CEP152: variants seen among roughly 807,000 people sequenced by gnomAD.
CEP152 encodes the protein centrosomal protein of 152 kDa.
In CEP152, 132 loss-of-function variants were observed where a neutral mutation model predicts 188.9. That is an observed-to-expected ratio of 0.70 (90% CI 0.61 to 0.81). The LOEUF (loss-of-function observed/expected upper bound fraction) is 0.81, where lower values mean the gene tolerates loss of function less well. CEP152 is among the 30% of genes least tolerant of loss of function. The pLI is 0.00. For missense variants in CEP152, 1,914 were observed against 1,969.8 expected (o/e 0.97, Z 0.54); for synonymous variants, 649 against 666.6 (o/e 0.97, Z 0.41).
At chr15:48,733,336 G>A (rs1250932863), downstream of CEP152, among the ~76,000 whole-genome samples, 1 of 152,050 alleles carries the variant, frequency 6.6e-6, no homozygotes, top group Non-Finnish European at 1.5e-5. Context: ...CAACTATTAT[G>A]CATCAATTTA....
At chr15:48,767,580 G>C in intron 15 of CEP152, 117 bp from the exon 16 acceptor site, 2 of 1,391,278 alleles carry the variant, frequency 1.4e-6, no homozygotes, top group Non-Finnish European at 1.0e-6. Flanking sequence ...ATTGAGGTCA[G>C]ATAACTTTTC....
intron 2 of CEP152, among the ~76,000 whole-genome samples, chr15:48,803,312 A>G (rs1046874792): frequency 3.9e-5 from 6 of 152,180 alleles, no homozygotes; most frequent in Non-Finnish European, 5.9e-5. Context: ...AGGAAGACTG[A>G]GACAGTTAAA....
At position 48,738,149 on chromosome 15, in the gene CEP152, C is replaced by A; in HGVS notation, c.*100G>T. The A allele has an allele frequency of 1.6e-6, 2 of 1,218,208 alleles. No homozygotes were observed. The highest frequency in any genetic ancestry group is 2.2e-6 in the Non-Finnish European group (2 of 890,948). The allele number at this position is 1,218,208 out of a possible 1,614,324, so 75.5% of individuals were successfully genotyped here. A position where few individuals can be genotyped will look rare whatever the true frequency, so the allele number is the denominator to read the frequency against. On this transcript the variant is annotated 3_prime_UTR_variant, in exon 27 of 27. Transcript: ENST00000380950. ...ACTTATATAACAGATGTTATTAAAA[C>A]ATCTCAAAAGAGGCAGGGCTCACAA...
chr15:48,748,407 ATTC>A, intron 22 of CEP152, 33 bp downstream of exon 22: 1 of 1,494,248 alleles, frequency 6.7e-7, no homozygotes, highest in Non-Finnish European at 8.9e-7. Flanking sequence ...GATCAAAGAA[ATTC>A]ATATTGGTAG....
intron 21 of CEP152, among the ~76,000 whole-genome samples, chr15:48,751,034 G>C (rs1321930564): frequency 5.3e-5 from 8 of 152,064 alleles, no homozygotes; most frequent in Non-Finnish European, 8.8e-5. Context: ...AATGTTTTAA[G>C]TACTTCAAAT....
At chr15:48,776,418 G>A (rs1008738388) in intron 12 of CEP152, among the ~76,000 whole-genome samples, 1 of 152,090 alleles carries the variant, frequency 6.6e-6, no homozygotes, top group Non-Finnish European at 1.5e-5. Flanking sequence ...GCCTCAGGAC[G>A]TGGGTAATAA....
intron 1 of CEP152, among the ~76,000 whole-genome samples, chr15:48,806,565 A>C (rs1423527139): frequency 1.3e-5 from 2 of 152,218 alleles, no homozygotes; most frequent in African/African-American, 4.8e-5. Flanking sequence ...CTTGGATGTG[A>C]GCCTGAGCCA....
chr15:48,733,784 A>G (rs1284526071), downstream of CEP152, among the ~76,000 whole-genome samples: 1 of 152,224 alleles, frequency 6.6e-6, no homozygotes, highest in African/African-American at 2.4e-5. Context: ...TTCATCATAT[A>G]TAAAGAACAA....
At chr15:48,760,374 C>A (rs1226123292) in intron 18 of CEP152, 108 bp from the exon 19 acceptor site, 4 of 1,345,272 alleles carry the variant, frequency 3.0e-6, no homozygotes, top group Non-Finnish European at 4.2e-6. Context: ...TATATCACTA[C>A]ATAATAAAGT....
At position 48,783,775 on chromosome 15, in the gene CEP152, G is replaced by GTATATATA. The variant is rs10652796; in HGVS notation, c.1321+190_1321+197dup. 323 of 182,036 alleles carry GTATATATA rather than the reference G, an allele frequency of 1.8e-3. 1 individual carries two copies. The highest frequency in any genetic ancestry group is 7.6e-3 in the African/African-American group (307 of 40,304). 11.3% of individuals were successfully genotyped at this position (182,036 alleles called of 1,614,324 possible). The stretch of plus-strand genomic sequence containing the variant: ...TATATTTTTTTATATATGTGTGTAT[G>GTATATATA]TATATATATATATATGTATATATAT... On this transcript the variant is annotated intron_variant, in intron 10 of 26. Coordinates refer to ENST00000380950, the MANE Select transcript of CEP152 (RefSeq NM_001194998.2).
rs1429093925 is a variant in CEP152, at chr15:48,782,167, A to C, written c.1385T>G (p.Met462Arg). Residue 462 changes from methionine to arginine, a missense_variant, in exon 11 of 27, where the codon ATG (methionine) becomes AGG (arginine). Coordinates refer to ENST00000380950, the MANE Select transcript of CEP152 (RefSeq NM_001194998.2). The part of the protein sequence containing the change: ...QLQQAQKAHA[M>R]SANMNKALQE... ...CAAAGCCTTGTTCATGTTTGCACTCATAGCATGTGCCTTCTGTGCTTGCTG... is the reference window on the plus strand; with the variant it reads ...CAAAGCCTTGTTCATGTTTGCACTCCTAGCATGTGCCTTCTGTGCTTGCTG... The C allele has an allele frequency of 6.2e-7, 1 of 1,613,946 alleles. No individual in the cohort carries two copies. Among genetic ancestry groups the C allele is most frequent in the Non-Finnish European group, 8.5e-7 (1 of 1,179,860 alleles).
chr15:48,748,192 G>A (rs575811219), intron 22 of CEP152, among the ~76,000 whole-genome samples: 1 of 152,116 alleles, frequency 6.6e-6, no homozygotes, highest in African/African-American at 2.4e-5. Flanking sequence ...AAGCCTGCTT[G>A]ACGTATACTG....
At chr15:48,731,746 G>A (rs986979055) in intron 2 of CEP152, among the ~76,000 whole-genome samples, 3 of 152,166 alleles carry the variant, frequency 2.0e-5, no homozygotes, top group African/African-American at 7.2e-5. Flanking sequence ...AGAGTGAACA[G>A]GCAACCTACA....
rs1897076500 is a variant in CEP152, at chr15:48,792,904, C to T, written c.832+417G>A. Among the ~76,000 whole-genome samples the T allele has an allele frequency of 2.0e-5, 3 of 151,982 alleles. No homozygotes were observed. The South Asian group carries it at 6.2e-4, about 32-fold the overall frequency. The stretch of plus-strand genomic sequence containing the variant: ...CTTTCTCGGCTCACTGCAACCTCCG[C>T]CTGCAGGTTCAGGTGATTCTCCTTC... On this transcript the variant is annotated intron_variant, in intron 7 of 26. Coordinates refer to ENST00000380950, the MANE Select transcript of CEP152 (RefSeq NM_001194998.2).
At position 48,755,895 on chromosome 15, in the gene CEP152, G is replaced by T; in HGVS notation, c.3345+8C>A. ...GTTCAATACCTTCTCTCACTCTCAGGAACATACCTTTTTCCATTCTGGGTC... is the reference window on the plus strand; with the variant it reads ...GTTCAATACCTTCTCTCACTCTCAGTAACATACCTTTTTCCATTCTGGGTC... On this transcript the variant is annotated splice_region_variant and intron_variant, in intron 20 of 26. Coordinates refer to ENST00000380950, the MANE Select transcript of CEP152 (RefSeq NM_001194998.2). 6.2e-7 allele frequency: 1 copy of T among 1,613,184 alleles called. No homozygotes were observed. Among genetic ancestry groups the T allele is most frequent in the South Asian group, 1.1e-5 (1 of 91,016 alleles).
In CEP152 at chr15:48,791,286, A is replaced by G. The variant is rs1334505717; in HGVS notation, c.923T>C (p.Ile308Thr). 1 of 1,613,070 alleles carries G rather than the reference A, an allele frequency of 6.2e-7. No individual in the cohort carries two copies. Among genetic ancestry groups the G allele is most frequent in the Non-Finnish European group, 8.5e-7 (1 of 1,179,796 alleles). The change falls in exon 8 of 27, where the codon ATA (isoleucine) becomes ACA (threonine). Residue 308 changes from isoleucine (I) to threonine (T), a missense_variant. Ile to Thr is a moderately conservative substitution (Grantham distance 89). Coordinates refer to ENST00000380950, the MANE Select transcript of CEP152 (RefSeq NM_001194998.2). Reference sequence around the variant, plus strand: ...TTGTATCTGAGTCTCCAGTGCTTTTATTTGAGCTTCAAGCTGTATCTCTCT... The same window carrying G: ...TTGTATCTGAGTCTCCAGTGCTTTTGTTTGAGCTTCAAGCTGTATCTCTCT... ...KEREIQLEAQ[I>T]KALETQIQAL...
rs557156910 is a variant in CEP152, at chr15:48,790,920, C to G, written c.972+317G>C. 6.0e-4 allele frequency among the ~76,000 whole-genome samples: 92 copies of G among 152,324 alleles called. 1 individual carries two copies. Among genetic ancestry groups the G allele is most frequent in the Middle Eastern group, 6.8e-3 (2 of 294 alleles). ...TGCCAAAAAATGAATCAACCACCACCAGGCTTAGCTACCAATGACTTATGA... is the reference window on the plus strand; with the variant it reads ...TGCCAAAAAATGAATCAACCACCACGAGGCTTAGCTACCAATGACTTATGA... On this transcript the variant is annotated intron_variant, in intron 8 of 26. Coordinates refer to ENST00000380950, the MANE Select transcript of CEP152 (RefSeq NM_001194998.2).
intron 2 of CEP152, 90 bp downstream of exon 2, chr15:48,805,473 G>A: frequency 3.6e-6 from 5 of 1,399,958 alleles, no homozygotes; most frequent in Non-Finnish European, 3.8e-6. Context: ...CCTTCAAAAT[G>A]ACACAAGATG....
At position 48,797,227 on chromosome 15, in the gene CEP152, C is replaced by T. The variant is rs115111343; in HGVS notation, c.540+74G>A. ...CTTACCATTGTACTCACATACATTT[C>T]CTGAACACACACAAACATCACGCAA... is the stretch of plus-strand genomic sequence containing the variant. On this transcript the variant is annotated intron_variant, in intron 5 of 26. Transcript: ENST00000380950. The T allele has an allele frequency of 1.2e-3, 1,790 of 1,537,396 alleles. 17 individuals are homozygous for T. In the African/African-American group the frequency reaches 0.022, roughly 19 times the overall value.
Sources: allele counts gnomAD v4.1 joint callset (sites outside exome capture counted in the v4.1 genomes callset), GRCh38; gene constraint gnomAD v4.1.1; transcripts MANE v1.5; gene names NCBI Gene and HGNC (gene_info 2026-07-23, HGNC 2026-07-21).